The following TMEM181 variants were observed in gnomAD, a reference collection of about 807,000 sequenced individuals.
TMEM181 encodes the protein G protein-coupled receptor 178.
Under a neutral mutation model 71.9 loss-of-function variants are expected in TMEM181, and 39 were observed. That is an observed-to-expected ratio of 0.54 (90% CI 0.42 to 0.71). The LOEUF is 0.71. TMEM181 is among the 30% of genes least tolerant of loss of function. TMEM181 has a pLI of 0.00. For synonymous variants in TMEM181, 245 were observed against 228.8 expected (o/e 1.07, Z -0.64); for missense variants, 595 against 583.0 (o/e 1.02, Z -0.21).
At chr6:158,623,720 G>A in intron 11 of TMEM181, 113 bp downstream of exon 11, 1 of 712,144 alleles carries the variant, frequency 1.4e-6, no homozygotes, top group Non-Finnish European at 2.3e-6. Context: ...GACTACTTGG[G>A]AAGGACTACA....
chr6:158,607,254 C>T lies in TMEM181; in HGVS notation c.584C>T (p.Ala195Val), dbSNP rs1279516264. The part of the protein sequence containing the change: ...VLTFIVTCLF[A>V]HSLRKFSMRD... Reference sequence around the variant, plus strand: ...TGATTTGGTTTGCAGTGCCTGTTTGCGCATTCCCTCCGGAAATTTTCCATG... The same window carrying T: ...TGATTTGGTTTGCAGTGCCTGTTTGTGCATTCCCTCCGGAAATTTTCCATG... Residue 195 changes from alanine to valine, a missense_variant, in exon 8 of 17, where the codon GCG (alanine) becomes GTG (valine). Physicochemically the swap from Ala to Val is moderately conservative, Grantham distance 64. Coordinates refer to ENST00000684151, the MANE Select transcript of TMEM181 (RefSeq NM_001376852.1). 3 of 1,613,958 alleles carry T rather than the reference C, an allele frequency of 1.9e-6. No individual in the cohort carries two copies. The highest frequency in any genetic ancestry group is 2.2e-5 in the East Asian group (1 of 44,892).
chr6:158,608,181 G>A lies in TMEM181; in HGVS notation c.674-152G>A, dbSNP rs192689464. 1.1e-4 allele frequency: 114 copies of A among 1,044,626 alleles called. No homozygotes were observed. In the Middle Eastern group the frequency reaches 2.3e-3, roughly 21 times the overall value. 64.7% of individuals were successfully genotyped at this position (1,044,626 alleles called of 1,614,324 possible). On this transcript the variant is annotated intron_variant, in intron 8 of 16. Transcript: ENST00000684151. ...GTGCTCTCTGCTAGGTGCTGACCCC[G>A]CACAGGTATGGGGTGCTGTCTGCCA...
At chr6:158,540,321 A>G (rs906669738) in intron 1 of TMEM181, among the ~76,000 whole-genome samples, 8 of 152,226 alleles carry the variant, frequency 5.3e-5, no homozygotes, top group African/African-American at 1.9e-4. Context: ...AGCAGCTACT[A>G]AAGTTGAACA....
At chr6:158,611,691 G>C (rs572200093) in intron 10 of TMEM181, 1 of 243,394 alleles carries the variant, frequency 4.1e-6, no homozygotes, top group Non-Finnish European at 8.2e-6. Context: ...GCCCACACCT[G>C]TGCCCGAGGA....
At chr6:158,576,156 C>T (rs555138442) in intron 2 of TMEM181, among the ~76,000 whole-genome samples, 70 of 152,274 alleles carry the variant, frequency 4.6e-4, no homozygotes, top group Admixed American at 3.3e-4. Flanking sequence ...CTTGCCACTT[C>T]GAAGGGAATG....
chr6:158,554,975 A>G (rs913704594), intron 1 of TMEM181, among the ~76,000 whole-genome samples: 10 of 152,076 alleles, frequency 6.6e-5, no homozygotes, highest in Non-Finnish European at 1.5e-4. Flanking sequence ...TTTTACTCCC[A>G]CTCTTTTGCT....
At chr6:158,615,201 C>T (rs1465937880) in intron 10 of TMEM181, among the ~76,000 whole-genome samples, 1 of 152,208 alleles carries the variant, frequency 6.6e-6, no homozygotes, top group African/African-American at 2.4e-5. Context: ...GAGTTGATAT[C>T]TCATTGTGGT....
intron 1 of TMEM181, among the ~76,000 whole-genome samples, chr6:158,544,120 T>C (rs1158966862): frequency 1.3e-5 from 2 of 151,642 alleles, no homozygotes; most frequent in African/African-American, 2.4e-5. Context: ...CCGGCAGAGG[T>C]GTCTGAAACC....
At chr6:158,548,012 T>C (rs767154116) in intron 1 of TMEM181, among the ~76,000 whole-genome samples, 7 of 151,644 alleles carry the variant, frequency 4.6e-5, no homozygotes, top group African/African-American at 7.3e-5. Context: ...TGGTGCTGAC[T>C]GACATGGGGG....
rs1166855018 is a variant in TMEM181 at position 158,620,482 on chromosome 6, A to T, written c.897-3068A>T. On this transcript the variant is annotated intron_variant, in intron 10 of 16. Coordinates refer to ENST00000684151, the MANE Select transcript of TMEM181 (RefSeq NM_001376852.1). The surrounding 1 kb of genome is among the most constrained non-coding windows in gnomAD (Gnocchi z 4.5). The stretch of plus-strand genomic sequence containing the variant: ...TCACCAAAGGGCTTCCCGAACCGGC[A>T]TGCGTGAGGAAGAGAGAGGGAGAGG... Among the ~76,000 whole-genome samples, 1 of 152,192 alleles carries T rather than the reference A, an allele frequency of 6.6e-6. No homozygotes were observed. Among genetic ancestry groups the T allele is most frequent in the Admixed American group, 6.6e-5 (1 of 15,264 alleles).
At chr6:158,553,638 A>G (rs565275096) in intron 1 of TMEM181, among the ~76,000 whole-genome samples, 40 of 152,386 alleles carry the variant, frequency 2.6e-4, no homozygotes, top group Non-Finnish European at 5.0e-4. Context: ...AATGAAGACC[A>G]ATATAAAACT....
intron 1 of TMEM181, chr6:158,536,992 G>C (rs962177595): frequency 1.8e-6 from 1 of 566,106 alleles, no homozygotes; most frequent in Non-Finnish European, 2.3e-6. Context: ...CGGGCGCGGA[G>C]CCTACGGATG....
intron 1 of TMEM181, among the ~76,000 whole-genome samples, chr6:158,567,665 A>T (rs149188921): frequency 6.6e-6 from 1 of 152,114 alleles, no homozygotes; most frequent in Non-Finnish European, 1.5e-5. Flanking sequence ...GCTTGACCCT[A>T]TTGGGCAGCA....
At chr6:158,564,029 C>T (rs1299390913) in intron 1 of TMEM181, among the ~76,000 whole-genome samples, 2 of 152,216 alleles carry the variant, frequency 1.3e-5, no homozygotes, top group African/African-American at 2.4e-5. Flanking sequence ...GCACCTACCT[C>T]GGCTTCCGAA....
chr6:158,629,953 AGT>A (rs1786569959), intron 15 of TMEM181, 134 bp downstream of exon 15: 1 of 759,864 alleles, frequency 1.3e-6, no homozygotes, highest in South Asian at 1.5e-5. Context: ...GCAGAGAGAG[AGT>A]GAGTTGAAAT....
intron 10 of TMEM181, among the ~76,000 whole-genome samples, chr6:158,619,730 G>T (rs1366011662): frequency 6.6e-6 from 1 of 152,064 alleles, no homozygotes; most frequent in Non-Finnish European, 1.5e-5. Flanking sequence ...TTAGCCAGGC[G>T]TGATGGTACA....
At chr6:158,579,001 G>C (rs373297181) in intron 2 of TMEM181, among the ~76,000 whole-genome samples, 1 of 152,224 alleles carries the variant, frequency 6.6e-6, no homozygotes, top group Non-Finnish European at 1.5e-5. Flanking sequence ...GCTCATGCCT[G>C]TAATCCCAGC....
chr6:158,615,870 C>T (rs1785581185), intron 10 of TMEM181, among the ~76,000 whole-genome samples: 1 of 152,194 alleles, frequency 6.6e-6, no homozygotes, highest in Non-Finnish European at 1.5e-5. Context: ...CAGTACCATG[C>T]TGTTTTGGTT....
chr6:158,542,245 T>C (rs921689168), intron 1 of TMEM181, among the ~76,000 whole-genome samples: 2 of 152,134 alleles, frequency 1.3e-5, no homozygotes, highest in African/African-American at 4.8e-5. Context: ...GGCTAACATA[T>C]TCTGAATCTC....
Sources: gnomAD v4.1 joint callset for allele counts (sites outside exome capture counted in the v4.1 genomes callset) on GRCh38, gnomAD v4.1.1 for gene constraint, Gnocchi (gnomAD v3.1) non-coding constraint, MANE v1.5 for transcripts, NCBI Gene and HGNC (gene_info 2026-07-23, HGNC 2026-07-21) for gene names.